Variants in TARBP1 observed in about 807,000 individuals in gnomAD.
TARBP1 encodes the protein tRNA (guanosine(18)-2'-O)-methyltransferase TARBP1.
In TARBP1, 144 loss-of-function variants were observed where a neutral mutation model predicts 178.6. That is an observed-to-expected ratio of 0.81 (90% CI 0.70 to 0.93). The LOEUF is 0.93. Ranked by LOEUF, TARBP1 falls within the 40% of genes least tolerant of loss-of-function variation. The pLI is 0.00. For missense variants in TARBP1, 2,067 were observed against 2,011.7 expected (o/e 1.03, Z -0.53); for synonymous variants, 787 against 781.0 (o/e 1.01, Z -0.13).
chr1:234,462,382 A>C (rs911829197), intron 6 of TARBP1, among the ~76,000 whole-genome samples: 3 of 152,094 alleles, frequency 2.0e-5, no homozygotes, highest in African/African-American at 7.2e-5. Flanking sequence ...AAACTCCTGA[A>C]ATCTACCAAA....
Position 234,478,939 on chromosome 1 carries a change from G to A in TARBP1, c.165C>T (p.Gly55=), listed in dbSNP as rs779559504. 8 of 1,447,070 alleles carry A rather than the reference G, an allele frequency of 5.5e-6. No individual in the cohort carries two copies. The highest frequency in any genetic ancestry group is 6.3e-6 in the Non-Finnish European group (7 of 1,108,638). The allele number at this position is 1,447,070 out of a possible 1,614,324, so 89.6% of individuals were successfully genotyped here. Residue 55 remains glycine, a synonymous_variant, in exon 1 of 30, where the codon GGC becomes GGT. Coordinates refer to ENST00000040877, the MANE Select transcript of TARBP1 (RefSeq NM_005646.4). ...DEEARGSGGA[G]ALPEAAREVA... ...CCTCGCGCGCCGCCTCCGGGAGCGC[G>A]CCTGCGCCCCCGCTGCCGCGCGCCT...
chr1:234,459,080 T>C (rs748378040), intron 8 of TARBP1, 150 bp downstream of exon 8: 14 of 596,386 alleles, frequency 2.3e-5, no homozygotes, highest in Non-Finnish European at 3.2e-5. Flanking sequence ...AGAGAGATCA[T>C]ATGTATTATT....
intron 1 of TARBP1, among the ~76,000 whole-genome samples, chr1:234,475,836 CT>C (rs1669522189): frequency 6.6e-6 from 1 of 152,234 alleles, no homozygotes; most frequent in Non-Finnish European, 1.5e-5. Flanking sequence ...CCTTTCGAGA[CT>C]CCAGGCTTCA....
intron 22 of TARBP1, among the ~76,000 whole-genome samples, chr1:234,411,288 G>A (rs1661793834): frequency 6.6e-6 from 1 of 152,130 alleles, no homozygotes; most frequent in Non-Finnish European, 1.5e-5. Context: ...AAAGTATATG[G>A]GAGGATACAC....
intron 7 of TARBP1, among the ~76,000 whole-genome samples, chr1:234,459,558 T>C (rs1003191066): frequency 1.3e-5 from 2 of 152,160 alleles, no homozygotes; most frequent in African/African-American, 4.8e-5. Context: ...ACACCTCTAA[T>C]CCCACAACTT....
At chr1:234,466,473 C>T (rs939268132) in intron 4 of TARBP1, among the ~76,000 whole-genome samples, 9 of 152,100 alleles carry the variant, frequency 5.9e-5, no homozygotes, top group South Asian at 2.1e-4. Flanking sequence ...GATCACGATA[C>T]TGCACTCCAG....
intron 20 of TARBP1, among the ~76,000 whole-genome samples, chr1:234,424,326 C>T (rs1315369691): frequency 6.6e-6 from 1 of 152,220 alleles, no homozygotes; most frequent in Non-Finnish European, 1.5e-5. Flanking sequence ...TCTAACTTGT[C>T]TCCAGATTTA....
intron 24 of TARBP1, among the ~76,000 whole-genome samples, chr1:234,403,551 TGA>T (rs768502842): frequency 2.0e-4 from 30 of 152,232 alleles, no homozygotes; most frequent in Non-Finnish European, 4.1e-4. Context: ...CATTTGACTG[TGA>T]GTCACATGAA....
At position 234,459,292 on chromosome 1, in the gene TARBP1, T is replaced by C. The variant is rs775769171; in HGVS notation, c.1570A>G (p.Ile524Val). ...VIHCTMITHQ[I>V]LLRGAAQCYL... ...CATTGGGCTGCCCCTCTCAGGAGAATCTGATGTGTGATCATAGTGCAATGA... is the reference window on the plus strand; with the variant it reads ...CATTGGGCTGCCCCTCTCAGGAGAACCTGATGTGTGATCATAGTGCAATGA... The change falls in exon 8 of 30, where the codon ATT becomes GTT. Residue 524 changes from isoleucine to valine, a missense_variant. By Grantham distance (29) the Ile-to-Val change is conservative. Coordinates refer to ENST00000040877, the MANE Select transcript of TARBP1 (RefSeq NM_005646.4). 6.2e-7 allele frequency: 1 copy of C among 1,613,424 alleles called. No homozygotes were observed. The highest frequency in any genetic ancestry group is 8.5e-7 in the Non-Finnish European group (1 of 1,179,750).
chr1:234,410,367 T>C, intron 23 of TARBP1, 78 bp downstream of exon 23: 1 of 842,400 alleles, frequency 1.2e-6, no homozygotes, highest in Non-Finnish European at 1.9e-6. Flanking sequence ...ACAGGAATGC[T>C]CTACATATAA....
intron 22 of TARBP1, among the ~76,000 whole-genome samples, chr1:234,411,966 A>G (rs563679885): frequency 2.0e-4 from 31 of 152,366 alleles, no homozygotes; most frequent in African/African-American, 7.2e-4. Context: ...AATGTCTTCT[A>G]CATGACAGTT....
At chr1:234,447,972 CT>C (rs1362376389) in intron 11 of TARBP1, among the ~76,000 whole-genome samples, 1 of 152,210 alleles carries the variant, frequency 6.6e-6, no homozygotes, top group Non-Finnish European at 1.5e-5. Flanking sequence ...TGAAGTCTCA[CT>C]TTGTGGTCCA....
At chr1:234,419,957 C>A (rs1645606942) in intron 21 of TARBP1, among the ~76,000 whole-genome samples, 1 of 152,104 alleles carries the variant, frequency 6.6e-6, no homozygotes, top group African/African-American at 2.4e-5. Context: ...ATTTGTAATT[C>A]TCTCACACAT....
intron 28 of TARBP1, 78 bp downstream of exon 28, chr1:234,393,284 T>TA: frequency 7.6e-7 from 1 of 1,322,272 alleles, no homozygotes; most frequent in East Asian, 2.6e-5. Context: ...AACTTTTTTT[T>TA]AAACTTTTAT....
chr1:234,406,240 A>G (rs542268739), intron 23 of TARBP1, 141 bp from the exon 24 acceptor site: 104 of 706,580 alleles, frequency 1.5e-4, no homozygotes, highest in African/African-American at 1.5e-3. Context: ...AGGGCCTCTC[A>G]TTCTTCCCTC....
chr1:234,450,811 T>C (rs575212827), intron 9 of TARBP1, among the ~76,000 whole-genome samples: 24 of 152,194 alleles, frequency 1.6e-4, no homozygotes, highest in East Asian at 9.6e-4. Flanking sequence ...TATATATATA[T>C]ACACATATGT....
Position 234,478,951 on chromosome 1 carries a change from G to A in TARBP1, c.153C>T (p.Ser51=). ...CCTCCGGGAGCGCGCCTGCGCCCCC[G>A]CTGCCGCGCGCCTCCTCGTCCTCGA... ...QRLEDEEARG[S]GGAGALPEAA... Residue 51 remains serine, a synonymous_variant, in exon 1 of 30, where the codon AGC becomes AGT. Transcript: ENST00000040877. The A allele has an allele frequency of 2.1e-6, 3 of 1,455,648 alleles. No homozygotes were observed. Among genetic ancestry groups the A allele is most frequent in the South Asian group, 1.3e-5 (1 of 75,402 alleles). 90.2% of individuals were successfully genotyped at this position (1,455,648 alleles called of 1,614,324 possible).
intron 26 of TARBP1, among the ~76,000 whole-genome samples, chr1:234,395,625 C>T (rs1233149429): frequency 1.3e-5 from 2 of 152,144 alleles, no homozygotes; most frequent in East Asian, 1.9e-4. Flanking sequence ...AGGAATATCC[C>T]GGTGCTAATG....
chr1:234,421,701 C>T (rs1474440362), intron 20 of TARBP1, among the ~76,000 whole-genome samples: 1 of 152,236 alleles, frequency 6.6e-6, no homozygotes, highest in Non-Finnish European at 1.5e-5. Flanking sequence ...CTTTTCATGG[C>T]TTGTGCCGCC....
Sources: allele counts gnomAD v4.1 joint callset (sites outside exome capture counted in the v4.1 genomes callset), GRCh38; gene constraint gnomAD v4.1.1; transcripts MANE v1.5; gene names NCBI Gene and HGNC (gene_info 2026-07-23, HGNC 2026-07-21).